Variants in LYPD6B observed in about 807,000 individuals in gnomAD.
The protein encoded by LYPD6B is ly6/PLAUR domain-containing protein 6B.
In LYPD6B, 17 loss-of-function variants were observed where a neutral mutation model predicts 22.8. The ratio of observed to expected loss-of-function variants is 0.75; its 90% CI spans 0.51 to 1.12. LYPD6B has a LOEUF of 1.12. Ranked by LOEUF, LYPD6B falls within the 50% of genes most tolerant of loss-of-function variation. The pLI, the probability that LYPD6B is intolerant of heterozygous loss-of-function variation, is 0.00. For missense variants in LYPD6B, 221 were observed against 258.3 expected, an observed-to-expected ratio of 0.86 and a Z score of 0.99; for synonymous variants, 106 against 91.6, an observed-to-expected ratio of 1.16 and a Z score of -0.90.
intron 1 of LYPD6B, among the ~76,000 whole-genome samples, chr2:149,050,527 C>G (rs909423693): frequency 3.3e-5 from 5 of 152,180 alleles, no homozygotes; most frequent in African/African-American, 1.2e-4. Context: ...AAAAAATAGG[C>G]ACGGTGTGTT....
chr2:149,089,248 T>C (rs1461823702), intron 1 of LYPD6B, among the ~76,000 whole-genome samples: 1 of 152,208 alleles, frequency 6.6e-6, no homozygotes, highest in Non-Finnish European at 1.5e-5. Flanking sequence ...TTCTGTTGTA[T>C]AGAAATCTAT....
chr2:149,083,739 A>G (rs1381035321), intron 1 of LYPD6B, among the ~76,000 whole-genome samples: 1 of 152,128 alleles, frequency 6.6e-6, no homozygotes, highest in African/African-American at 2.4e-5. Flanking sequence ...CTGTCTCAAT[A>G]TTACTGATGT....
intron 2 of LYPD6B, among the ~76,000 whole-genome samples, chr2:149,148,319 G>T (rs1318034767): frequency 6.6e-6 from 1 of 152,188 alleles, no homozygotes; most frequent in African/African-American, 2.4e-5. Context: ...GAGGCTTTTA[G>T]GAAAGTCATA....
intron 3 of LYPD6B, among the ~76,000 whole-genome samples, chr2:149,201,760 C>T (rs1244058013): frequency 6.6e-6 from 1 of 152,102 alleles, no homozygotes; most frequent in Non-Finnish European, 1.5e-5. Flanking sequence ...TAGAATAAGT[C>T]TATGCTGTTT....
chr2:149,098,304 T>C lies in LYPD6B; in HGVS notation c.-66-32579T>C. Among the ~76,000 whole-genome samples, 2 of 152,150 alleles carry C rather than the reference T, an allele frequency of 1.3e-5. 1 individual carries two copies. The highest frequency in any genetic ancestry group is 3.8e-4 in the East Asian group (2 of 5,196). ...AAATCTGCTTTCTCCACGTGAGTTA[T>C]ATAGGATATGACCAAGGAGATTTTA... On this transcript the variant is annotated intron_variant, in intron 1 of 6. Transcript: ENST00000409642.
rs370863000 is a variant in LYPD6B, at chr2:149,178,355, A to T, written c.77+17520A>T. The stretch of plus-strand genomic sequence containing the variant: ...ATTTATTTTAAAGTATTATAAAGAC[A>T]ACATCTTATCACCACTGTGATCTAG... On this transcript the variant is annotated intron_variant, in intron 3 of 6. Transcript: ENST00000409642. Among the ~76,000 whole-genome samples the T allele has an allele frequency of 3.7e-4, 57 of 152,368 alleles. No homozygotes were observed. The South Asian group carries it at 3.9e-3, about 11-fold the overall frequency.
At chr2:149,069,565 TG>T (rs1684501991) in intron 1 of LYPD6B, among the ~76,000 whole-genome samples, 1 of 152,210 alleles carries the variant, frequency 6.6e-6, no homozygotes, top group South Asian at 2.1e-4. Flanking sequence ...AGAAGCTGGT[TG>T]GGCAGGAAGG....
intron 1 of LYPD6B, among the ~76,000 whole-genome samples, chr2:149,040,981 T>C (rs764959018): frequency 6.6e-6 from 1 of 151,680 alleles, no homozygotes; most frequent in Non-Finnish European, 1.5e-5. Context: ...GATATGAGGA[T>C]AACATCGTCT....
Position 149,132,357 on chromosome 2 carries a change from C to T in LYPD6B, c.5+1404C>T, listed in dbSNP as rs376800889. On this transcript the variant is annotated intron_variant, in intron 2 of 6. Coordinates refer to ENST00000409642, the MANE Select transcript of LYPD6B (RefSeq NM_177964.5). ...CCTTTCATGTACCATGATTTGGTTT[C>T]GGTTTGGGCAAAAGGAAAGGGACAT... Among the ~76,000 whole-genome samples, 88 of 150,606 alleles carry T rather than the reference C, an allele frequency of 5.8e-4. 2 individuals carry two copies. Among genetic ancestry groups the T allele is most frequent in the African/African-American group, 1.9e-3 (78 of 40,924 alleles).
At chr2:149,126,880 C>G (rs1382014194) in intron 1 of LYPD6B, among the ~76,000 whole-genome samples, 2 of 152,008 alleles carry the variant, frequency 1.3e-5, no homozygotes, top group African/African-American at 4.8e-5. Flanking sequence ...CTCTTAATAC[C>G]CTTTTAATAA....
chr2:149,194,942 A>G (rs1412057508), intron 3 of LYPD6B, among the ~76,000 whole-genome samples: 4 of 152,232 alleles, frequency 2.6e-5, no homozygotes, highest in African/African-American at 9.6e-5. Context: ...AGGTGAATGT[A>G]CTAGGCCGTT....
At chr2:149,053,981 C>T (rs1236070054) in intron 1 of LYPD6B, among the ~76,000 whole-genome samples, 4 of 152,206 alleles carry the variant, frequency 2.6e-5, no homozygotes, top group Non-Finnish European at 5.9e-5. Flanking sequence ...GAATACACCA[C>T]ATTTTGTTTA....
intron 6 of LYPD6B, 66 bp from the exon 7 acceptor site, chr2:149,214,480 T>C: frequency 6.6e-7 from 1 of 1,522,810 alleles, no homozygotes; most frequent in Non-Finnish European, 9.1e-7. Context: ...TGTTTTATCT[T>C]TCTTTCTTTT....
intron 1 of LYPD6B, among the ~76,000 whole-genome samples, chr2:149,086,423 G>A (rs1685394085): frequency 6.6e-6 from 1 of 152,186 alleles, no homozygotes; most frequent in East Asian, 1.9e-4. Flanking sequence ...AGAAGGAGCT[G>A]CAGGAAGTTG....
chr2:149,138,134 T>C (rs1688477619), intron 2 of LYPD6B, among the ~76,000 whole-genome samples: 1 of 152,238 alleles, frequency 6.6e-6, no homozygotes, highest in South Asian at 2.1e-4. Context: ...AATTACTTTT[T>C]TAAAAAACAC....
chr2:149,193,037 T>C (rs949922182), intron 3 of LYPD6B, among the ~76,000 whole-genome samples: 33 of 152,170 alleles, frequency 2.2e-4, no homozygotes, highest in African/African-American at 7.2e-4. Context: ...AGTCTGTGGA[T>C]TAGAAGTCAT....
At position 149,083,035 on chromosome 2, in the gene LYPD6B, A is replaced by G. The variant is rs142783094; in HGVS notation, c.-67+44234A>G. On this transcript the variant is annotated intron_variant, in intron 1 of 6. Coordinates refer to ENST00000409642, the MANE Select transcript of LYPD6B (RefSeq NM_177964.5). ...AGATGCTCCTGCTGTCAGATAATGA[A>G]GCCAACGCAAAAATCCACGTCTCCA... Among the ~76,000 whole-genome samples, 5 of 152,330 alleles carry G rather than the reference A, an allele frequency of 3.3e-5. No homozygotes were observed. The East Asian group carries it at 9.6e-4, about 29-fold the overall frequency.
chr2:149,113,363 G>A (rs1686852625), intron 1 of LYPD6B, among the ~76,000 whole-genome samples: 1 of 152,104 alleles, frequency 6.6e-6, no homozygotes, highest in Non-Finnish European at 1.5e-5. Context: ...GGATGGTTTT[G>A]CTCAAAGACT....
At chr2:149,056,813 C>T (rs1032161305) in intron 1 of LYPD6B, among the ~76,000 whole-genome samples, 2 of 152,234 alleles carry the variant, frequency 1.3e-5, no homozygotes, top group African/African-American at 2.4e-5. Context: ...TCCTCACCTG[C>T]GAAGACTACT....
Sources: gnomAD v4.1 joint callset for allele counts (sites outside exome capture counted in the v4.1 genomes callset) on GRCh38, gnomAD v4.1.1 for gene constraint, MANE v1.5 for transcripts, NCBI Gene and HGNC (gene_info 2026-07-23, HGNC 2026-07-21) for gene names.